Variants in KCNG4 observed in about 807,000 individuals in gnomAD.
KCNG4 encodes the protein potassium voltage-gated channel modifier subfamily G member 4.
A neutral mutation model predicts 28.2 loss-of-function variants in KCNG4; 30 were observed. That is an observed-to-expected ratio of 1.06 (90% CI 0.80 to 1.44). KCNG4 has a LOEUF of 1.44. Ranked by LOEUF, KCNG4 falls within the 40% of genes most tolerant of loss-of-function variation. The probability of loss-of-function intolerance (pLI) is 0.00; values close to 1 mark genes in which losing one functional copy is unlikely to be tolerated. For missense variants in KCNG4, 879 were observed against 712.3 expected, an observed-to-expected ratio of 1.23 and a Z score of -2.66; for synonymous variants, 375 against 315.5, an observed-to-expected ratio of 1.19 and a Z score of -2.00.
At chr16:84,225,658 C>A (rs970494883) in intron 2 of KCNG4, among the ~76,000 whole-genome samples, 1 of 152,244 alleles carries the variant, frequency 6.6e-6, no homozygotes, top group African/African-American at 2.4e-5. Context: ...ATACTGATGA[C>A]CCGATAGCTC....
rs1247057876 is a variant in KCNG4 at position 84,220,310 on chromosome 16, C to G, written c.*1907G>C. The G allele has an allele frequency of 1.3e-5, 2 of 152,094 alleles. No homozygotes were observed. The highest frequency in any genetic ancestry group is 6.6e-5 in the Admixed American group (1 of 15,256). The allele number at this position is 152,094 out of a possible 1,614,324, so 9.4% of individuals were successfully genotyped here. A position where few individuals can be genotyped will look rare whatever the true frequency, so the allele number is the denominator to read the frequency against. ...ATGTCAGCTTGGGAAAGATTGGGGT[C>G]TAAAAGAATGGGGACATGTGCCTGT... On this transcript the variant is annotated 3_prime_UTR_variant, in exon 3 of 3. Transcript: ENST00000308251.
intron 2 of KCNG4, among the ~76,000 whole-genome samples, chr16:84,229,872 A>G (rs1904785591): frequency 6.6e-6 from 1 of 152,248 alleles, no homozygotes; most frequent in Admixed American, 6.5e-5. Context: ...TAGGATAAGA[A>G]GCATTCGCTA....
At chr16:84,229,680 T>C (rs970398715) in intron 2 of KCNG4, among the ~76,000 whole-genome samples, 1 of 152,044 alleles carries the variant, frequency 6.6e-6, no homozygotes, top group Non-Finnish European at 1.5e-5. Context: ...GGCGTCTGCA[T>C]GGGGCATTTG....
In KCNG4 at chr16:84,236,863, C is replaced by G. The variant is rs560844482; in HGVS notation, c.623G>C (p.Arg208Pro). 1.2e-6 allele frequency: 2 copies of G among 1,613,520 alleles called. No individual in the cohort carries two copies. Among genetic ancestry groups the G allele is most frequent in the East Asian group, 2.2e-5 (1 of 44,860 alleles). The change falls in exon 2 of 3, where the codon CGC becomes CCC. Residue 208 changes from arginine to proline, a missense_variant. Physicochemically the swap from Arg to Pro is moderately radical, Grantham distance 103 (BLOSUM62 -2). Coordinates refer to ENST00000308251, the MANE Select transcript of KCNG4 (RefSeq NM_172347.3). The part of the protein sequence containing the change: ...SRWGLCMNRL[R>P]EMVENPQSGL... ...GGACTGCGGGTTTTCCACCATCTCG[C>G]GCAGCCGGTTCATGCACAGGCCCCA... is the stretch of plus-strand genomic sequence containing the variant.
intron 2 of KCNG4, among the ~76,000 whole-genome samples, chr16:84,228,087 AG>A (rs1904737390): frequency 6.6e-6 from 1 of 152,260 alleles, no homozygotes; most frequent in South Asian, 2.1e-4. Flanking sequence ...GGGGTCCCAC[AG>A]CCTGGCCCTC....
chr16:84,224,403 TACACACAC>T (rs58296563), intron 2 of KCNG4, among the ~76,000 whole-genome samples: 8 of 58,642 alleles, frequency 1.4e-4, no homozygotes, highest in African/African-American at 5.0e-4. Flanking sequence ...TATACATATT[TACACACAC>T]ACACACACAC....
At chr16:84,230,586 A>G (rs1022980513) in intron 2 of KCNG4, among the ~76,000 whole-genome samples, 1 of 152,180 alleles carries the variant, frequency 6.6e-6, no homozygotes, top group African/African-American at 2.4e-5. Flanking sequence ...TAAACAAACA[A>G]AGAAAACTCT....
chr16:84,234,726 A>C (rs1336403320), intron 2 of KCNG4, among the ~76,000 whole-genome samples: 1 of 152,200 alleles, frequency 6.6e-6, no homozygotes, highest in Non-Finnish European at 1.5e-5. Context: ...CCCCAAACTC[A>C]ATGGGCACTG....
chr16:84,230,565 C>G (rs1904805274), intron 2 of KCNG4, among the ~76,000 whole-genome samples: 1 of 152,120 alleles, frequency 6.6e-6, no homozygotes. Flanking sequence ...GAGCAAGACT[C>G]CGTCTCAAAA....
At chr16:84,227,070 A>G (rs566304273) in intron 2 of KCNG4, among the ~76,000 whole-genome samples, 29 of 152,326 alleles carry the variant, frequency 1.9e-4, no homozygotes, top group African/African-American at 7.0e-4. Flanking sequence ...ATCCACTAGG[A>G]TGGCTAAAAT....
chr16:84,230,320 G>A (rs244804), intron 2 of KCNG4, among the ~76,000 whole-genome samples: 3,588 of 145,334 alleles, frequency 0.025, 162 homozygotes, highest in African/African-American at 0.088. Context: ...CAGGAGAATC[G>A]CTTGAACTCA....
At chr16:84,230,445 G>A (rs899065920) in intron 2 of KCNG4, among the ~76,000 whole-genome samples, 3 of 143,868 alleles carry the variant, frequency 2.1e-5, no homozygotes, top group Admixed American at 7.1e-5. Context: ...GGTGGTGGGC[G>A]CCTGTAGTCG....
intron 2 of KCNG4, chr16:84,235,608 G>C (rs1904928104): frequency 6.6e-6 from 1 of 152,138 alleles, no homozygotes; most frequent in South Asian, 2.1e-4. Context: ...GTGAGGCATG[G>C]GCTGGTTCTC....
rs140916630 is a variant in KCNG4 at position 84,239,121 on chromosome 16, C to T, written c.-41+549G>A. ...CTCCACTCCAATCAAGAGAAAAACT[C>T]GGCAGTGGAACGGAAATCAAAGTTC... On this transcript the variant is annotated intron_variant, in intron 1 of 2. Transcript: ENST00000308251. Among the ~76,000 whole-genome samples the T allele has an allele frequency of 1.4e-3, 218 of 152,278 alleles. 1 individual carries two copies. The highest frequency in any genetic ancestry group is 4.6e-3 in the African/African-American group (190 of 41,558).
At chr16:84,232,306 C>T (rs560211820) in intron 2 of KCNG4, among the ~76,000 whole-genome samples, 1 of 152,274 alleles carries the variant, frequency 6.6e-6, no homozygotes, top group Non-Finnish European at 1.5e-5. Context: ...AGACATGATG[C>T]TGGAGCAGGA....
In KCNG4 at chr16:84,236,735, C is replaced by T. The variant is rs1485281578; in HGVS notation, c.751G>A (p.Asp251Asn). 8 of 1,608,484 alleles carry T rather than the reference C, an allele frequency of 5.0e-6. No individual in the cohort carries two copies. Among genetic ancestry groups the T allele is most frequent in the Non-Finnish European group, 5.9e-6 (7 of 1,176,678 alleles). Residue 251 changes from aspartate (D) to asparagine (N), a missense_variant, in exon 2 of 3, where the codon GAC becomes AAC. Physicochemically the swap from Asp to Asn is conservative, Grantham distance 23. Coordinates refer to ENST00000308251, the MANE Select transcript of KCNG4 (RefSeq NM_172347.3). ...STMPDLRAEE[D>N]QGECSRKCYY... ...TGCCATCAGAGGCCGCTCACCTGGT[C>T]CTCCTCTGCCCTGAGGTCGGGCATG...
Position 84,220,151 on chromosome 16 carries a change from G to C in KCNG4, c.*2066C>G, listed in dbSNP as rs951282298. 6.6e-6 allele frequency: 1 copy of C among 152,234 alleles called. No individual in the cohort carries two copies. The highest frequency in any genetic ancestry group is 1.5e-5 in the Non-Finnish European group (1 of 68,052). 9.4% of individuals were successfully genotyped at this position (152,234 alleles called of 1,614,324 possible). On this transcript the variant is annotated 3_prime_UTR_variant, in exon 3 of 3. Transcript: ENST00000308251. ...TACTGTCCAAGGTGCCTGTGACATGGAATTTCTACGCAACGCTTATGGGAA... is the reference window on the plus strand; with the variant it reads ...TACTGTCCAAGGTGCCTGTGACATGCAATTTCTACGCAACGCTTATGGGAA...
intron 2 of KCNG4, among the ~76,000 whole-genome samples, chr16:84,223,534 C>T (rs916392767): frequency 8.5e-5 from 13 of 152,104 alleles, no homozygotes; most frequent in Non-Finnish European, 1.6e-4. Flanking sequence ...GTTATAGCTG[C>T]CAGCCTGTAC....
In KCNG4 at chr16:84,222,565, G is replaced by T; in HGVS notation, c.1212C>A (p.Ser404Arg). ...KESGRVLEFT[S>R]IPASYWWAII... ...TGGCCCACCAATAGGAGGCGGGGAT[G>T]CTGGTGAACTCCAGCACCCGCCCGG... Residue 404 changes from serine (S) to arginine (R), a missense_variant, in exon 3 of 3, where the codon AGC (serine) becomes AGA (arginine). Coordinates refer to ENST00000308251, the MANE Select transcript of KCNG4 (RefSeq NM_172347.3). 6.2e-7 allele frequency: 1 copy of T among 1,613,450 alleles called. No individual in the cohort carries two copies. The highest frequency in any genetic ancestry group is 8.5e-7 in the Non-Finnish European group (1 of 1,180,006).
Sources: gnomAD v4.1 joint callset for allele counts (sites outside exome capture counted in the v4.1 genomes callset) on GRCh38, gnomAD v4.1.1 for gene constraint, MANE v1.5 for transcripts, NCBI Gene and HGNC (gene_info 2026-07-23, HGNC 2026-07-21) for gene names.